The following PPP1R36 variants were observed in gnomAD, a reference collection of about 807,000 sequenced individuals.
PPP1R36 encodes protein phosphatase 1 regulatory subunit 36, also known as chromosome 14 open reading frame 50.
Under a neutral mutation model 53.4 loss-of-function variants are expected in PPP1R36, and 47 were observed. That is an observed-to-expected ratio of 0.88 (90% CI 0.70 to 1.12). PPP1R36 has a LOEUF of 1.12. PPP1R36 is among the 50% of genes most tolerant of loss of function. The pLI is 0.00. For missense variants in PPP1R36, 456 were observed against 513.9 expected (o/e 0.89, Z 1.09); for synonymous variants, 153 against 170.5 (o/e 0.90, Z 0.80).
intron 10 of PPP1R36, 76 bp downstream of exon 10, chr14:64,587,448 CTTTTTTTTTTTTTTT>C (rs10708900): frequency 6.2e-4 from 69 of 110,928 alleles, no homozygotes; most frequent in South Asian, 1.6e-3. Flanking sequence ...CTTTTTTCTC[CTTTTTTTTTTTTTTT>C]TTTTTTTTTT....
chr14:64,568,405 T>G lies in PPP1R36; in HGVS notation c.491T>G (p.Leu164Trp). 6.4e-7 allele frequency: 1 copy of G among 1,567,856 alleles called. No homozygotes were observed. The highest frequency in any genetic ancestry group is 8.7e-7 in the Non-Finnish European group (1 of 1,150,220). ...MALLYYLSHY[L>W]EKNSLEKKPK... ...TTATTGTACTACTTATCCCATTACT[T>G]GGAAAAAAACTCACTGGAAAAGAAA... The change falls in exon 7 of 12, where the codon TTG (leucine) becomes TGG (tryptophan). Residue 164 changes from leucine (L) to tryptophan (W), a missense_variant. Leu to Trp is a moderately conservative substitution (Grantham distance 61). Transcript: ENST00000298705.
chr14:64,554,142 GTTTTTTTTTTT>G (rs367753961), intron 3 of PPP1R36, among the ~76,000 whole-genome samples: 4 of 65,260 alleles, frequency 6.1e-5, no homozygotes, highest in Non-Finnish European at 1.2e-4. Context: ...CATCACAATT[GTTTTTTTTTTT>G]TTTTTTTTTT....
At chr14:64,575,400 A>G (rs1268807569) in intron 8 of PPP1R36, among the ~76,000 whole-genome samples, 2 of 152,160 alleles carry the variant, frequency 1.3e-5, no homozygotes, top group Non-Finnish European at 2.9e-5. Flanking sequence ...TATTCTGACT[A>G]TGTGATTTCA....
chr14:64,570,667 T>C (rs1298363557), intron 7 of PPP1R36, among the ~76,000 whole-genome samples: 2 of 152,186 alleles, frequency 1.3e-5, no homozygotes, highest in Non-Finnish European at 2.9e-5. Flanking sequence ...GGGATAGTAA[T>C]AGCATTTAAT....
intron 2 of PPP1R36, among the ~76,000 whole-genome samples, chr14:64,552,320 C>A (rs1476962878): frequency 6.6e-6 from 1 of 152,054 alleles, no homozygotes; most frequent in Non-Finnish European, 1.5e-5. Context: ...GAAATCCTAT[C>A]TCTAATAAAA....
In PPP1R36 at chr14:64,550,906, C is replaced by A. The variant is rs1233860996; in HGVS notation, c.70-15C>A. Reference sequence around the variant, plus strand: ...AGCTTTTAATTATTTTTGCTGCAATCATTTCGTTTTACAGCAGTTGGGATT... The same window carrying A: ...AGCTTTTAATTATTTTTGCTGCAATAATTTCGTTTTACAGCAGTTGGGATT... On this transcript the variant is annotated splice_polypyrimidine_tract_variant and intron_variant, in intron 1 of 11. Coordinates refer to ENST00000298705, the MANE Select transcript of PPP1R36 (RefSeq NM_172365.3). 1.3e-6 allele frequency: 2 copies of A among 1,592,006 alleles called. No individual in the cohort carries two copies. Among genetic ancestry groups the A allele is most frequent in the East Asian group, 2.2e-5 (1 of 44,714 alleles).
chr14:64,551,561 G>A, intron 2 of PPP1R36: 1 of 456,022 alleles, frequency 2.2e-6, no homozygotes, highest in South Asian at 1.5e-5. Flanking sequence ...CTGATTGTGT[G>A]CCAGATATTT....
At chr14:64,563,891 G>A (rs1247825703) in intron 3 of PPP1R36, among the ~76,000 whole-genome samples, 1 of 152,164 alleles carries the variant, frequency 6.6e-6, no homozygotes, top group Non-Finnish European at 1.5e-5. Context: ...TATAAGGCAG[G>A]AACCTCGTCC....
chr14:64,583,811 CAAAAAAAAAAA>C (rs529491293), intron 8 of PPP1R36, among the ~76,000 whole-genome samples: 13 of 30,050 alleles, frequency 4.3e-4, no homozygotes, highest in Admixed American at 1.3e-3. Context: ...AACTCCATCT[CAAAAAAAAAAA>C]AAAAAAAAAA....
intron 3 of PPP1R36, chr14:64,562,152 C>T (rs1343021357): frequency 5.7e-6 from 1 of 174,228 alleles, no homozygotes; most frequent in African/African-American, 2.4e-5. Context: ...ATCAGAGGTT[C>T]AATTCACAGC....
Position 64,568,420 on chromosome 14 carries a change from T to C in PPP1R36, c.506T>C (p.Leu169Pro). ...TCCCATTACTTGGAAAAAAACTCAC[T>C]GGAAAAGAAACCCAAAAGCTATATG... ...YLSHYLEKNSLEKKPKSYMVG... is the reference protein window; with the variant it reads ...YLSHYLEKNSPEKKPKSYMVG... Residue 169 changes from leucine (L) to proline (P), a missense_variant, in exon 7 of 12, where the codon CTG (leucine) becomes CCG (proline). Coordinates refer to ENST00000298705, the MANE Select transcript of PPP1R36 (RefSeq NM_172365.3). The C allele has an allele frequency of 1.3e-6, 2 of 1,557,676 alleles. No individual in the cohort carries two copies. Among genetic ancestry groups the C allele is most frequent in the Non-Finnish European group, 1.8e-6 (2 of 1,142,398 alleles).
chr14:64,579,631 T>C (rs987033462), intron 8 of PPP1R36, among the ~76,000 whole-genome samples: 2 of 152,252 alleles, frequency 1.3e-5, no homozygotes, highest in Non-Finnish European at 2.9e-5. Context: ...TTCTTTTGTC[T>C]TTAAAGTGTC....
chr14:64,581,109 G>A (rs2080385524), intron 8 of PPP1R36, among the ~76,000 whole-genome samples: 1 of 152,218 alleles, frequency 6.6e-6, no homozygotes. Flanking sequence ...CAGGAAAGCA[G>A]AAGTTACAGG....
intron 6 of PPP1R36, among the ~76,000 whole-genome samples, chr14:64,566,911 T>A (rs1363896292): frequency 6.6e-6 from 1 of 152,238 alleles, no homozygotes. Context: ...TTTTCTACAC[T>A]GTCTCCCAGA....
At chr14:64,551,680 T>C (rs1566646590) in intron 2 of PPP1R36, 1 of 456,262 alleles carries the variant, frequency 2.2e-6, no homozygotes, top group African/African-American at 2.0e-5. Flanking sequence ...ACCAAAGTCA[T>C]ACAGCCAGTA....
chr14:64,553,773 C>G (rs1672378851), intron 3 of PPP1R36, among the ~76,000 whole-genome samples: 1 of 142,352 alleles, frequency 7.0e-6, no homozygotes, highest in Non-Finnish European at 1.5e-5. Flanking sequence ...AAAAATTCAT[C>G]ACGCTGCACA....
At chr14:64,564,921 C>A in intron 4 of PPP1R36, 84 bp downstream of exon 4, 2 of 853,528 alleles carry the variant, frequency 2.3e-6, no homozygotes, top group African/African-American at 1.7e-5. Flanking sequence ...TACGAAAATA[C>A]CATTCCCATT....
rs556240428 is a variant in PPP1R36 at position 64,588,459 on chromosome 14, G to A, written c.1082+164G>A. On this transcript the variant is annotated intron_variant, in intron 11 of 11. Coordinates refer to ENST00000298705, the MANE Select transcript of PPP1R36 (RefSeq NM_172365.3). Reference sequence around the variant, plus strand: ...TGCTCCCCTCCTAGTTTCCTTTCTAGAGAATCTTGAGGTACACCCATCTAG... The same window carrying A: ...TGCTCCCCTCCTAGTTTCCTTTCTAAAGAATCTTGAGGTACACCCATCTAG... 13 of 564,094 alleles carry A rather than the reference G, an allele frequency of 2.3e-5. No homozygotes were observed. The Admixed American group carries it at 3.9e-4, about 17-fold the overall frequency. 34.9% of individuals were successfully genotyped at this position (564,094 alleles called of 1,614,324 possible).
intron 3 of PPP1R36, among the ~76,000 whole-genome samples, chr14:64,563,553 A>T (rs569377315): frequency 3.9e-5 from 6 of 152,298 alleles, no homozygotes; most frequent in Non-Finnish European, 2.9e-5. Context: ...AACCTACAAC[A>T]TGAATATTGC....
Sources: gnomAD v4.1 joint callset for allele counts (sites outside exome capture counted in the v4.1 genomes callset) on GRCh38, gnomAD v4.1.1 for gene constraint, MANE v1.5 for transcripts, NCBI Gene and HGNC (gene_info 2026-07-23, HGNC 2026-07-21) for gene names.